Variants in AK9 observed in about 807,000 individuals in gnomAD.
The protein encoded by AK9 is adenylate kinase domain containing 1.
Under a neutral mutation model 239.6 loss-of-function variants are expected in AK9, and 191 were observed. The ratio of observed to expected loss-of-function variants is 0.80; its 90% CI spans 0.71 to 0.90. The LOEUF (loss-of-function observed/expected upper bound fraction) is 0.90, where lower values mean the gene tolerates loss of function less well. Ranked by LOEUF, AK9 falls within the 40% of genes least tolerant of loss-of-function variation. AK9 has a pLI of 0.00. For missense variants in AK9, 1,995 were observed against 2,214.7 expected, an observed-to-expected ratio of 0.90 and a Z score of 1.99; for synonymous variants, 689 against 721.0, an observed-to-expected ratio of 0.96 and a Z score of 0.71.
At chr6:109,637,739 A>C (rs1796902101) in intron 10 of AK9, among the ~76,000 whole-genome samples, 1 of 152,202 alleles carries the variant, frequency 6.6e-6, no homozygotes, top group Non-Finnish European at 1.5e-5. Context: ...TTCTCTAAAA[A>C]TCACCTGCCT....
intron 28 of AK9, among the ~76,000 whole-genome samples, chr6:109,532,545 G>GT (rs1781414920): frequency 6.6e-6 from 1 of 152,116 alleles, no homozygotes; most frequent in Non-Finnish European, 1.5e-5. Context: ...CAGCACAATG[G>GT]TTTTGATTTT....
chr6:109,581,194 T>C (rs543170584), intron 19 of AK9, among the ~76,000 whole-genome samples: 149 of 152,188 alleles, frequency 9.8e-4, no homozygotes, highest in Non-Finnish European at 1.9e-3. Context: ...ACAATACTAT[T>C]GAAATGAGGC....
In AK9 at chr6:109,606,933, A is replaced by G. The variant is rs566779928; in HGVS notation, c.1842+3432T>C. On this transcript the variant is annotated intron_variant, in intron 17 of 40. Transcript: ENST00000424296. The stretch of plus-strand genomic sequence containing the variant: ...TAAGGCTTTAAAATACTGTTAAACT[A>G]TAATTCTAAAAAATTATTTAAAAAA... Among the ~76,000 whole-genome samples, 190 of 152,342 alleles carry G rather than the reference A, an allele frequency of 1.2e-3. 2 individuals are homozygous for G. The South Asian group carries it at 0.037, about 30-fold the overall frequency.
chr6:109,515,722 T>G, intron 31 of AK9, 135 bp downstream of exon 31: 1 of 802,900 alleles, frequency 1.2e-6, no homozygotes, highest in Non-Finnish European at 1.9e-6. Context: ...TCCCAAAGTA[T>G]TTTTATAGCT....
At chr6:109,565,700 A>G (rs890309778) in intron 21 of AK9, among the ~76,000 whole-genome samples, 12 of 152,208 alleles carry the variant, frequency 7.9e-5, no homozygotes, top group African/African-American at 2.9e-4. Flanking sequence ...GGAAGGCAGG[A>G]CTAATTATCT....
At chr6:109,673,754 T>C (rs1771279613) in intron 3 of AK9, among the ~76,000 whole-genome samples, 1 of 152,138 alleles carries the variant, frequency 6.6e-6, no homozygotes. Flanking sequence ...GGTAGTAGAA[T>C]AGAGTTGATG....
At chr6:109,588,153 C>G (rs1439142430) in intron 17 of AK9, among the ~76,000 whole-genome samples, 1 of 151,930 alleles carries the variant, frequency 6.6e-6, no homozygotes, top group Non-Finnish European at 1.5e-5. Context: ...TCACTGCAAG[C>G]TCCGCCTCCC....
At chr6:109,614,827 C>T (rs2128242709) in intron 13 of AK9, among the ~76,000 whole-genome samples, 1 of 152,214 alleles carries the variant, frequency 6.6e-6, no homozygotes, top group African/African-American at 2.4e-5. Flanking sequence ...ATATTCTCCA[C>T]TGACAAATTT....
chr6:109,516,050 G>T lies in AK9; in HGVS notation c.3872C>A (p.Pro1291Gln). 1.3e-6 allele frequency: 2 copies of T among 1,549,880 alleles called. No homozygotes were observed. Among genetic ancestry groups the T allele is most frequent in the South Asian group, 1.2e-5 (1 of 83,934 alleles). The change falls in exon 31 of 41, where the codon CCA becomes CAA. Residue 1291 changes from proline (P) to glutamine (Q), a missense_variant. Physicochemically the swap from Pro to Gln is moderately conservative, Grantham distance 76. Around this residue, in one of 5 missense-constraint regions of AK9, gnomAD observed 1,290 missense variants for 1,392.7 expected, o/e 0.93. Transcript: ENST00000424296. Reference sequence around the variant, plus strand: ...CCGAGCTCCATTAATGGAAATTATTGGTATCAAATACCTCTCAAGTTCATC... The same window carrying T: ...CCGAGCTCCATTAATGGAAATTATTTGTATCAAATACCTCTCAAGTTCATC... Reference protein sequence around the residue: ...IQDELERYLIPIISINGARRN... With the variant: ...IQDELERYLIQIISINGARRN...
At chr6:109,527,628 T>C (rs951703252) in intron 29 of AK9, 1 of 152,054 alleles carries the variant, frequency 6.6e-6, no homozygotes, top group African/African-American at 2.4e-5. Flanking sequence ...AAACCCCACA[T>C]ACAGTTTTAA....
intron 6 of AK9, among the ~76,000 whole-genome samples, chr6:109,661,310 T>C (rs542029445): frequency 1.3e-5 from 2 of 152,352 alleles, no homozygotes; most frequent in African/African-American, 2.4e-5. Context: ...TCATTCTCAA[T>C]GGCAGTCTTG....
chr6:109,547,741 C>A lies in AK9; in HGVS notation c.2965-1614G>T, dbSNP rs1360144858. Among the ~76,000 whole-genome samples the A allele has an allele frequency of 2.7e-5, 4 of 149,722 alleles. No homozygotes were observed. The East Asian group carries it at 7.9e-4, about 29-fold the overall frequency. On this transcript the variant is annotated intron_variant, in intron 25 of 40. Transcript: ENST00000424296. ...AACCTCTGTATCACAAAGAAAATAACATAGTAAAGAGACAACCTACAGAAT... is the reference window on the plus strand; with the variant it reads ...AACCTCTGTATCACAAAGAAAATAAAATAGTAAAGAGACAACCTACAGAAT...
chr6:109,670,394 CAT>C lies in AK9; in HGVS notation c.331+1523_331+1524del, dbSNP rs142106597. ...ATGATATGGATTAGCTTCAAAATAA[CAT>C]AGGTTGAGAGAAGGGAGTAAGTAGA... On this transcript the variant is annotated intron_variant, in intron 5 of 40. Transcript: ENST00000424296. 9.0e-4 allele frequency among the ~76,000 whole-genome samples: 137 copies of C among 152,172 alleles called. 2 individuals carry two copies. In the East Asian group the frequency reaches 0.026, roughly 29 times the overall value.
chr6:109,497,008 T>C (rs1777107660), intron 38 of AK9, among the ~76,000 whole-genome samples: 1 of 152,072 alleles, frequency 6.6e-6, no homozygotes, highest in Admixed American at 6.5e-5. Context: ...GCCCTCCACC[T>C]CCAGCCTCGC....
rs1796457110 is a variant in AK9 at position 109,634,273 on chromosome 6, T to C, written c.934-950A>G. Among the ~76,000 whole-genome samples, 2 of 152,218 alleles carry C rather than the reference T, an allele frequency of 1.3e-5. 1 individual carries two copies. Among genetic ancestry groups the C allele is most frequent in the Middle Eastern group, 6.3e-3 (2 of 316 alleles). ...TGCCCTGGCTCTGGCTCTTGCACTCTTTTGTTCTTCCACCTTCCACAATGG... is the reference window on the plus strand; with the variant it reads ...TGCCCTGGCTCTGGCTCTTGCACTCCTTTGTTCTTCCACCTTCCACAATGG... On this transcript the variant is annotated intron_variant, in intron 10 of 40. Transcript: ENST00000424296.
chr6:109,639,241 T>C (rs1797097145), intron 10 of AK9, among the ~76,000 whole-genome samples: 1 of 152,110 alleles, frequency 6.6e-6, no homozygotes, highest in Non-Finnish European at 1.5e-5. Flanking sequence ...TCTTCCACAA[T>C]GGTTGAACTA....
chr6:109,691,095 C>T lies in AK9; in HGVS notation c.-12+52G>A, dbSNP rs188524156. 5 of 428,190 alleles carry T rather than the reference C, an allele frequency of 1.2e-5. No homozygotes were observed. The East Asian group carries it at 1.7e-4, about 14-fold the overall frequency. 26.5% of individuals were successfully genotyped at this position (428,190 alleles called of 1,614,324 possible). Reference sequence around the variant, plus strand: ...CAAAGAGAGGGAGGAGATAAATAGACTCAATTAATCCGTCGACTTTTTCTC... The same window carrying T: ...CAAAGAGAGGGAGGAGATAAATAGATTCAATTAATCCGTCGACTTTTTCTC... On this transcript the variant is annotated intron_variant, in intron 1 of 40. Transcript: ENST00000424296.
intron 13 of AK9, among the ~76,000 whole-genome samples, chr6:109,614,804 T>TA (rs1245359867): frequency 9.2e-5 from 14 of 152,238 alleles, no homozygotes; most frequent in African/African-American, 2.6e-4. Flanking sequence ...ATTTTTATGT[T>TA]AAAAAAACCT....
chr6:109,640,965 G>T lies in AK9; in HGVS notation c.933+553C>A, dbSNP rs185141675. Among the ~76,000 whole-genome samples the T allele has an allele frequency of 1.1e-4, 16 of 151,830 alleles. No individual in the cohort carries two copies. The East Asian group carries it at 3.1e-3, about 29-fold the overall frequency. On this transcript the variant is annotated intron_variant, in intron 10 of 40. Transcript: ENST00000424296. ...GCTGCAAATTTTTAAACTGAACTTG[G>T]ATTTCTTTCTTTTTTACTGTTCCTA... is the stretch of plus-strand genomic sequence containing the variant.
Sources: gnomAD v4.1 joint callset for allele counts (sites outside exome capture counted in the v4.1 genomes callset) on GRCh38, gnomAD v4.1.1 for gene constraint, gnomAD v4.1.1 regional missense constraint, MANE v1.5 for transcripts, NCBI Gene and HGNC (gene_info 2026-07-23, HGNC 2026-07-21) for gene names.